Variants in TTC28 observed in about 807,000 individuals in gnomAD.
TTC28 encodes tetratricopeptide repeat domain 28, also known as tetratricopeptide repeat protein 28.
TTC28 carries 61 observed loss-of-function variants against 198.0 expected under a neutral mutation model. That is an observed-to-expected ratio of 0.31 (90% CI 0.25 to 0.38). The LOEUF (loss-of-function observed/expected upper bound fraction) is 0.38, where lower values mean the gene tolerates loss of function less well. TTC28 is among the 10% of genes least tolerant of loss of function. The pLI, the probability that TTC28 is intolerant of heterozygous loss-of-function variation, is 1.00. For synonymous variants in TTC28, 1,171 were observed against 1,297.8 expected (o/e 0.90, Z 2.10); for missense variants, 2,678 against 3,164.0 (o/e 0.85, Z 3.69).
chr22:28,410,608 T>C (rs2047066051), intron 2 of TTC28, among the ~76,000 whole-genome samples: 1 of 152,144 alleles, frequency 6.6e-6, no homozygotes, highest in East Asian at 1.9e-4. Flanking sequence ...ACAGAAGATG[T>C]GTGGGATTCA....
chr22:28,389,629 T>A (rs991658576), intron 2 of TTC28, among the ~76,000 whole-genome samples: 1 of 151,162 alleles, frequency 6.6e-6, no homozygotes, highest in African/African-American at 2.4e-5. Flanking sequence ...TTTATTTGCG[T>A]AGAGGTGTTT....
At chr22:28,349,476 A>G (rs1300856170) in intron 2 of TTC28, among the ~76,000 whole-genome samples, 3 of 152,190 alleles carry the variant, frequency 2.0e-5, no homozygotes, top group Non-Finnish European at 4.4e-5. Context: ...CATCTGCCTG[A>G]ATGGTACTAA....
intron 5 of TTC28, among the ~76,000 whole-genome samples, chr22:28,279,569 A>C (rs1002217285): frequency 6.6e-6 from 1 of 152,082 alleles, no homozygotes; most frequent in Non-Finnish European, 1.5e-5. Context: ...ACAGGGTTTC[A>C]CCATGTTGTC....
chr22:28,586,650 A>G (rs1233552846), intron 2 of TTC28, among the ~76,000 whole-genome samples: 1 of 152,210 alleles, frequency 6.6e-6, no homozygotes, highest in Non-Finnish European at 1.5e-5. Flanking sequence ...ATCTTTTGGC[A>G]TAGTCACTAT....
At chr22:28,369,243 T>C (rs2046292853) in intron 2 of TTC28, among the ~76,000 whole-genome samples, 1 of 151,972 alleles carries the variant, frequency 6.6e-6, no homozygotes, top group Non-Finnish European at 1.5e-5. Flanking sequence ...CACAGACCAA[T>C]GGAACAGAAT....
At chr22:28,222,312 C>G (rs1235472989) in intron 5 of TTC28, among the ~76,000 whole-genome samples, 1 of 152,182 alleles carries the variant, frequency 6.6e-6, no homozygotes, top group African/African-American at 2.4e-5. Context: ...CACATGTTTT[C>G]AAAAGAGGGA....
At chr22:28,162,257 AATCT>A (rs1335901110) in intron 6 of TTC28, among the ~76,000 whole-genome samples, 1 of 152,232 alleles carries the variant, frequency 6.6e-6, no homozygotes, top group East Asian at 1.9e-4. Flanking sequence ...AGTGAATGTA[AATCT>A]ATCATCTTTA....
At position 28,144,207 on chromosome 22, in the gene TTC28, A is replaced by G. The variant is rs181513341; in HGVS notation, c.1441+18885T>C. ...GTCTTAATTCTATTTTACATCTTACATAACTTTCCCCAGGCCACACAGCTC... is the reference window on the plus strand; with the variant it reads ...GTCTTAATTCTATTTTACATCTTACGTAACTTTCCCCAGGCCACACAGCTC... On this transcript the variant is annotated intron_variant, in intron 6 of 22. Transcript: ENST00000397906. Among the ~76,000 whole-genome samples, 420 of 152,340 alleles carry G rather than the reference A, an allele frequency of 2.8e-3. 3 individuals are homozygous for G. The highest frequency in any genetic ancestry group is 4.8e-3 in the Non-Finnish European group (326 of 68,036).
chr22:28,200,881 T>A (rs1424577078), intron 5 of TTC28, among the ~76,000 whole-genome samples: 1 of 152,210 alleles, frequency 6.6e-6, no homozygotes, highest in Non-Finnish European at 1.5e-5. Flanking sequence ...CAGAAAGCTA[T>A]ATTGTGTGCT....
intron 3 of TTC28, among the ~76,000 whole-genome samples, chr22:28,305,765 C>A (rs1020190798): frequency 6.6e-6 from 1 of 152,148 alleles, no homozygotes; most frequent in South Asian, 2.1e-4. Flanking sequence ...GCTATACATA[C>A]TTTTAGTCAA....
chr22:28,529,539 G>A (rs182134085), intron 2 of TTC28, among the ~76,000 whole-genome samples: 1 of 152,310 alleles, frequency 6.6e-6, no homozygotes, highest in African/African-American at 2.4e-5. Context: ...GTCCCTGTCT[G>A]ACAGCTTTGA....
At chr22:28,183,520 T>C (rs548047959) in intron 5 of TTC28, among the ~76,000 whole-genome samples, 43 of 152,152 alleles carry the variant, frequency 2.8e-4, no homozygotes, top group Non-Finnish European at 4.9e-4. Flanking sequence ...TCAGGCCATT[T>C]CCCTGTCACC....
chr22:28,050,303 C>T (rs1391049345), intron 12 of TTC28, among the ~76,000 whole-genome samples: 1 of 152,146 alleles, frequency 6.6e-6, no homozygotes, highest in African/African-American at 2.4e-5. Flanking sequence ...GGCTGAGAAG[C>T]TCAAAGTTCA....
intron 2 of TTC28, among the ~76,000 whole-genome samples, chr22:28,437,560 T>C (rs1215403338): frequency 6.6e-6 from 1 of 152,098 alleles, no homozygotes; most frequent in Admixed American, 6.6e-5. Context: ...GTGAGTAATA[T>C]GAACAGATAT....
At chr22:28,383,064 C>T (rs958507812) in intron 2 of TTC28, among the ~76,000 whole-genome samples, 1 of 152,202 alleles carries the variant, frequency 6.6e-6, no homozygotes. Flanking sequence ...TTCATTCTTT[C>T]TCCATTCTTC....
intron 6 of TTC28, among the ~76,000 whole-genome samples, chr22:28,133,400 A>G (rs924297746): frequency 6.6e-6 from 1 of 152,192 alleles, no homozygotes. Context: ...CGTGAGCTGA[A>G]GAAGGGTGAG....
chr22:28,028,755 C>A, intron 13 of TTC28: 1 of 302,932 alleles, frequency 3.3e-6, no homozygotes, highest in Non-Finnish European at 6.6e-6. Flanking sequence ...CCACTTTACT[C>A]CAAACAACAG....
chr22:28,452,956 C>A (rs1286569154), intron 2 of TTC28, among the ~76,000 whole-genome samples: 2 of 152,184 alleles, frequency 1.3e-5, no homozygotes, highest in East Asian at 3.8e-4. Flanking sequence ...GAAGTAGCCA[C>A]AGCAACATCC....
At chr22:28,170,795 A>G (rs1312652083) in intron 5 of TTC28, among the ~76,000 whole-genome samples, 1 of 152,028 alleles carries the variant, frequency 6.6e-6, no homozygotes, top group Non-Finnish European at 1.5e-5. Context: ...GAGGAAAAAA[A>G]TGGGTGGGTT....
Sources: allele counts gnomAD v4.1 joint callset (sites outside exome capture counted in the v4.1 genomes callset), GRCh38; gene constraint gnomAD v4.1.1; transcripts MANE v1.5; gene names NCBI Gene and HGNC (gene_info 2026-07-23, HGNC 2026-07-21).